RBFOX1: variants seen among roughly 807,000 people sequenced by gnomAD.
RBFOX1 encodes the protein RNA binding fox-1 homolog 1.
RBFOX1 carries 8 observed loss-of-function variants against 57.7 expected under a neutral mutation model. The ratio of observed to expected loss-of-function variants is 0.14; its 90% CI spans 0.08 to 0.25. RBFOX1 has a LOEUF of 0.25. Among genes scored for constraint, RBFOX1 ranks in the 10% least tolerant of loss-of-function variants. The probability of loss-of-function intolerance (pLI) is 1.00; values close to 1 mark genes in which losing one functional copy is unlikely to be tolerated. For missense variants in RBFOX1, 611 were observed against 548.5 expected (o/e 1.11, Z -1.14); for synonymous variants, 326 against 222.4 (o/e 1.47, Z -4.15).
At chr16:5,631,531 T>G (rs1251741600) in intron 3 of RBFOX1, among the ~76,000 whole-genome samples, 1 of 151,596 alleles carries the variant, frequency 6.6e-6, no homozygotes, top group Non-Finnish European at 1.5e-5. Flanking sequence ...CACTCCAGCC[T>G]GGTGACAGAC....
chr16:7,407,524 G>A (rs1182036803), intron 4 of RBFOX1, among the ~76,000 whole-genome samples: 4 of 152,074 alleles, frequency 2.6e-5, no homozygotes, highest in African/African-American at 4.8e-5. Context: ...AGGCTGCTAT[G>A]TTGCCTGGTA....
chr16:5,386,884 C>G (rs922925915), intron 1 of RBFOX1, among the ~76,000 whole-genome samples: 3 of 152,254 alleles, frequency 2.0e-5, no homozygotes, highest in African/African-American at 7.2e-5. Context: ...AACCCCATCT[C>G]TACTAAAAAT....
intron 3 of RBFOX1, among the ~76,000 whole-genome samples, chr16:6,986,709 G>C (rs2090367419): frequency 6.6e-6 from 1 of 151,102 alleles, no homozygotes; most frequent in South Asian, 2.1e-4. Context: ...CTGTCTTTTT[G>C]CAAATTCTTG....
chr16:5,895,006 G>A (rs1234868585), intron 4 of RBFOX1, among the ~76,000 whole-genome samples: 2 of 150,964 alleles, frequency 1.3e-5, no homozygotes, highest in Admixed American at 6.6e-5. Context: ...CTGGGCAACA[G>A]AGTGAGACTC....
intron 1 of RBFOX1, among the ~76,000 whole-genome samples, chr16:6,195,086 G>C (rs1273377511): frequency 6.6e-6 from 1 of 152,084 alleles, no homozygotes; most frequent in African/African-American, 2.4e-5. Flanking sequence ...AAGATGTTAG[G>C]GTTCACAGTT....
chr16:7,502,454 T>G (rs1300664366), intron 4 of RBFOX1, among the ~76,000 whole-genome samples: 1 of 152,176 alleles, frequency 6.6e-6, no homozygotes, highest in African/African-American at 2.4e-5. Flanking sequence ...TTGCTAAGTT[T>G]TCACCATATC....
chr16:7,501,444 T>C (rs1440635114), intron 4 of RBFOX1, among the ~76,000 whole-genome samples: 2 of 152,244 alleles, frequency 1.3e-5, no homozygotes, highest in African/African-American at 2.4e-5. Flanking sequence ...TCATTCACTC[T>C]GTGCTTGCCA....
chr16:5,925,454 A>T (rs1274175085), intron 4 of RBFOX1, among the ~76,000 whole-genome samples: 2 of 152,190 alleles, frequency 1.3e-5, no homozygotes, highest in African/African-American at 2.4e-5. Flanking sequence ...CAGAACAGGA[A>T]AACCCATGGA....
At chr16:7,297,079 G>T (rs1321789524) in intron 4 of RBFOX1, among the ~76,000 whole-genome samples, 1 of 152,164 alleles carries the variant, frequency 6.6e-6, no homozygotes, top group Non-Finnish European at 1.5e-5. Context: ...GAGACGACAG[G>T]AGGAGAGACA....
chr16:7,278,216 T>A (rs1459346416), intron 4 of RBFOX1, among the ~76,000 whole-genome samples: 1 of 152,198 alleles, frequency 6.6e-6, no homozygotes, highest in South Asian at 2.1e-4. Flanking sequence ...TTCAACAAAT[T>A]AACCAGTTGC....
intron 13 of RBFOX1, chr16:7,671,674 A>T: frequency 7.4e-7 from 1 of 1,343,010 alleles, no homozygotes; most frequent in South Asian, 1.2e-5. Context: ...CTAACAAGAT[A>T]ATTCTGGGGA....
rs369886149 is a variant in RBFOX1 at position 6,360,481 on chromosome 16, C to T, written c.-64+43424C>T. Among the ~76,000 whole-genome samples, 3 of 152,224 alleles carry T rather than the reference C, an allele frequency of 2.0e-5. No individual in the cohort carries two copies. In the East Asian group the frequency reaches 5.8e-4, roughly 29 times the overall value. On this transcript the variant is annotated intron_variant, in intron 2 of 15. Coordinates refer to ENST00000550418, the MANE Select transcript of RBFOX1 (RefSeq NM_018723.4). ...GTCCAAGTGATAGATGGATTTACAGCTTACACCTCAGGTTTTTATTATAGT... is the reference window on the plus strand; with the variant it reads ...GTCCAAGTGATAGATGGATTTACAGTTTACACCTCAGGTTTTTATTATAGT...
At chr16:6,843,439 A>T (rs2093597609) in intron 3 of RBFOX1, among the ~76,000 whole-genome samples, 1 of 152,168 alleles carries the variant, frequency 6.6e-6, no homozygotes, top group South Asian at 2.1e-4. Context: ...CTGTAATCCC[A>T]GTACTTTGGG....
chr16:6,551,006 A>T (rs192182059), intron 2 of RBFOX1, among the ~76,000 whole-genome samples: 3 of 152,292 alleles, frequency 2.0e-5, no homozygotes, highest in Admixed American at 2.0e-4. Context: ...ACAGGAGAAC[A>T]GTGAGCTGAC....
At chr16:7,091,358 T>G (rs1232985891) in intron 4 of RBFOX1, among the ~76,000 whole-genome samples, 1 of 152,068 alleles carries the variant, frequency 6.6e-6, no homozygotes, top group African/African-American at 2.4e-5. Context: ...TCCTCACCTT[T>G]TAAAAACTTT....
At chr16:6,542,451 G>T (rs1198700764) in intron 2 of RBFOX1, among the ~76,000 whole-genome samples, 1 of 140,814 alleles carries the variant, frequency 7.1e-6, no homozygotes, top group Non-Finnish European at 1.5e-5. Flanking sequence ...GTGGATAATC[G>T]CATGATCCAC....
Position 7,443,669 on chromosome 16 carries a change from G to A in RBFOX1, c.28-74478G>A, listed in dbSNP as rs963094110. Among the ~76,000 whole-genome samples the A allele has an allele frequency of 2.6e-5, 4 of 152,118 alleles. No individual in the cohort carries two copies. The South Asian group carries it at 8.3e-4, about 32-fold the overall frequency. On this transcript the variant is annotated intron_variant, in intron 4 of 15. Transcript: ENST00000550418. The stretch of plus-strand genomic sequence containing the variant: ...ATTTCTATATATGTCTGTAGATGTA[G>A]ACTTCTGTATATATCTACTTTTCAC...
intron 4 of RBFOX1, among the ~76,000 whole-genome samples, chr16:5,888,901 G>A (rs1488610647): frequency 6.6e-6 from 1 of 151,678 alleles, no homozygotes; most frequent in Non-Finnish European, 1.5e-5. Flanking sequence ...TGAGGATGGT[G>A]ACTAGTTCAG....
At chr16:7,497,505 G>A (rs141673537) in intron 4 of RBFOX1, among the ~76,000 whole-genome samples, 1 of 151,960 alleles carries the variant, frequency 6.6e-6, no homozygotes, top group African/African-American at 2.4e-5. Flanking sequence ...TCGATTTTTT[G>A]GTATCTCTCT....
Sources: allele counts gnomAD v4.1 joint callset (sites outside exome capture counted in the v4.1 genomes callset), GRCh38; gene constraint gnomAD v4.1.1; transcripts MANE v1.5; gene names NCBI Gene and HGNC (gene_info 2026-07-23, HGNC 2026-07-21).